Variants in CDH20 observed in about 807,000 individuals in gnomAD.
CDH20 encodes the protein cadherin-20.
Under a neutral mutation model 74.2 loss-of-function variants are expected in CDH20, and 29 were observed. The observed-to-expected ratio is 0.39, with a 90% CI of 0.29 to 0.53. The LOEUF is 0.53. Among genes scored for constraint, CDH20 ranks in the 20% least tolerant of loss-of-function variants. CDH20 has a pLI of 0.69. For synonymous variants in CDH20, 469 were observed against 405.4 expected (o/e 1.16, Z -1.88); for missense variants, 988 against 1,048.3 (o/e 0.94, Z 0.79).
rs538113054 is a variant in CDH20, at chr18:61,353,966, C to G, written c.-153+20139C>G. Reference sequence around the variant, plus strand: ...GGCATGGTGGCGTGCACCTGTGGTCCCAGCTACTTGGGAGGTTGCAAGTGA... The same window carrying G: ...GGCATGGTGGCGTGCACCTGTGGTCGCAGCTACTTGGGAGGTTGCAAGTGA... On this transcript the variant is annotated intron_variant, in intron 1 of 11. Coordinates refer to ENST00000262717, the MANE Select transcript of CDH20 (RefSeq NM_031891.4). The surrounding 1 kb of genome is among the most constrained non-coding windows in gnomAD (Gnocchi z 4.6). Among the ~76,000 whole-genome samples the G allele has an allele frequency of 2.4e-4, 37 of 151,682 alleles. No individual in the cohort carries two copies. The highest frequency in any genetic ancestry group is 4.3e-4 in the Non-Finnish European group (29 of 67,908).
chr18:61,453,735 G>C (rs1213923305), intron 1 of CDH20, among the ~76,000 whole-genome samples: 1 of 152,218 alleles, frequency 6.6e-6, no homozygotes, highest in East Asian at 1.9e-4. Context: ...GTTGTTTCTA[G>C]TTTGGGGGCA....
chr18:61,341,102 G>A (rs892166143), intron 1 of CDH20, among the ~76,000 whole-genome samples: 7 of 152,264 alleles, frequency 4.6e-5, no homozygotes, highest in Non-Finnish European at 7.4e-5. Context: ...AGCCATCTCC[G>A]TACCCACCTC....
At chr18:61,542,093 A>T (rs572863166) in intron 9 of CDH20, among the ~76,000 whole-genome samples, 1 of 152,302 alleles carries the variant, frequency 6.6e-6, no homozygotes, top group South Asian at 2.1e-4. Flanking sequence ...GACTTTCCCA[A>T]CTATGTTTAT....
At chr18:61,540,294 G>A (rs892617945) in intron 9 of CDH20, among the ~76,000 whole-genome samples, 3 of 152,140 alleles carry the variant, frequency 2.0e-5, no homozygotes, top group Admixed American at 2.0e-4. Context: ...GATAAGGCAG[G>A]GACTCATGCA....
chr18:61,453,572 C>A (rs1909470184), intron 1 of CDH20, among the ~76,000 whole-genome samples: 1 of 152,218 alleles, frequency 6.6e-6, no homozygotes, highest in Non-Finnish European at 1.5e-5. Context: ...AGCCACCACG[C>A]CCAGCCGATC....
At chr18:61,417,678 A>G (rs571878157) in intron 1 of CDH20, among the ~76,000 whole-genome samples, 40 of 149,092 alleles carry the variant, frequency 2.7e-4, no homozygotes, top group South Asian at 8.6e-4. Context: ...GGGGGCAGAT[A>G]GAAACAGATT....
At chr18:61,338,785 A>C (rs2144084608) in intron 1 of CDH20, among the ~76,000 whole-genome samples, 1 of 152,308 alleles carries the variant, frequency 6.6e-6, no homozygotes, top group East Asian at 1.9e-4. Flanking sequence ...TTAACAATCA[A>C]ATCACAAGTT....
intron 1 of CDH20, among the ~76,000 whole-genome samples, chr18:61,352,236 G>A (rs1349154691): frequency 6.6e-6 from 1 of 152,126 alleles, no homozygotes; most frequent in Non-Finnish European, 1.5e-5. Flanking sequence ...GACAGCAACT[G>A]GTATTTCATT....
intron 1 of CDH20, among the ~76,000 whole-genome samples, chr18:61,479,062 A>C (rs1910495849): frequency 6.6e-6 from 1 of 152,128 alleles, no homozygotes; most frequent in Non-Finnish European, 1.5e-5. Flanking sequence ...TGTGGAAAAA[A>C]TAGTTCTGAA....
intron 7 of CDH20, among the ~76,000 whole-genome samples, chr18:61,534,113 A>G (rs1912743613): frequency 6.6e-6 from 1 of 152,258 alleles, no homozygotes; most frequent in South Asian, 2.1e-4. Flanking sequence ...AAGACATACA[A>G]ATGACCAACA....
Position 61,353,163 on chromosome 18 carries a change from T to C in CDH20, c.-153+19336T>C, listed in dbSNP as rs976221883. ...GGGTCTGATACATCAGTTTCTAACTTAGAAACATTCATTTAATTGTCTACA... is the reference window on the plus strand; with the variant it reads ...GGGTCTGATACATCAGTTTCTAACTCAGAAACATTCATTTAATTGTCTACA... On this transcript the variant is annotated intron_variant, in intron 1 of 11. Coordinates refer to ENST00000262717, the MANE Select transcript of CDH20 (RefSeq NM_031891.4). This position sits in a 1 kb window ranked among gnomAD's most constrained non-coding sequence, Gnocchi z 4.6. Among the ~76,000 whole-genome samples the C allele has an allele frequency of 6.6e-6, 1 of 152,218 alleles. No homozygotes were observed. The highest frequency in any genetic ancestry group is 2.4e-5 in the African/African-American group (1 of 41,458).
intron 1 of CDH20, among the ~76,000 whole-genome samples, chr18:61,375,923 T>G (rs922709446): frequency 1.3e-5 from 2 of 152,168 alleles, no homozygotes; most frequent in Non-Finnish European, 2.9e-5. Flanking sequence ...ACCATCTTTC[T>G]TTGTATAGAC....
chr18:61,405,078 G>A, intron 1 of CDH20: 1 of 667,168 alleles, frequency 1.5e-6, no homozygotes, highest in Non-Finnish European at 2.8e-6. Flanking sequence ...GACCAATTTT[G>A]CTTTGCCTTG....
rs759541624 is a variant in CDH20 at position 61,490,507 on chromosome 18, C to A, written c.-47C>A. Reference sequence around the variant, plus strand: ...TTTAAATTTGGAAAATACTCAAGTTCCAGTTGCTTATCATTCTCCTTCATT... The same window carrying A: ...TTTAAATTTGGAAAATACTCAAGTTACAGTTGCTTATCATTCTCCTTCATT... On this transcript the variant is annotated 5_prime_UTR_variant, in exon 2 of 12. Transcript: ENST00000262717. 1.9e-6 allele frequency: 3 copies of A among 1,586,854 alleles called. No homozygotes were observed. Among genetic ancestry groups the A allele is most frequent in the South Asian group, 1.1e-5 (1 of 89,402 alleles).
At chr18:61,538,705 AC>A (rs1190238839) in intron 8 of CDH20, among the ~76,000 whole-genome samples, 29 of 140,474 alleles carry the variant, frequency 2.1e-4, no homozygotes, top group Non-Finnish European at 7.6e-5. Flanking sequence ...TGCAAGCTCC[AC>A]CTCCCGGGTT....
Position 61,554,991 on chromosome 18 carries a change from T to A in CDH20, c.*296T>A. On this transcript the variant is annotated 3_prime_UTR_variant, in exon 12 of 12. Coordinates refer to ENST00000262717, the MANE Select transcript of CDH20 (RefSeq NM_031891.4). ...CAAGGTGTTCTGACAAGGGTGGCTT[T>A]TCTCTGCCATTCGCTAAGGCCTTTG... The A allele has an allele frequency of 7.3e-6, 9 of 1,224,502 alleles. No homozygotes were observed. The highest frequency in any genetic ancestry group is 8.2e-6 in the Non-Finnish European group (8 of 978,300). 75.9% of individuals were successfully genotyped at this position (1,224,502 alleles called of 1,614,324 possible). A position where few individuals can be genotyped will look rare whatever the true frequency, so the allele number is the denominator to read the frequency against.
At chr18:61,476,861 T>C (rs1286692790) in intron 1 of CDH20, among the ~76,000 whole-genome samples, 1 of 152,200 alleles carries the variant, frequency 6.6e-6, no homozygotes, top group Non-Finnish European at 1.5e-5. Flanking sequence ...TTTTGATAAG[T>C]CCTTTGTTAA....
intron 1 of CDH20, among the ~76,000 whole-genome samples, chr18:61,485,179 G>C (rs934799498): frequency 3.9e-5 from 6 of 152,102 alleles, no homozygotes; most frequent in Non-Finnish European, 8.8e-5. Context: ...TTCTTCTTCT[G>C]TTCAATTTCT....
chr18:61,340,994 A>G (rs1284557849), intron 1 of CDH20, among the ~76,000 whole-genome samples: 7 of 152,232 alleles, frequency 4.6e-5, no homozygotes, highest in Admixed American at 4.6e-4. Context: ...ATCTTTTCCT[A>G]TGCAAATGGC....
Sources: gnomAD v4.1 joint callset for allele counts (sites outside exome capture counted in the v4.1 genomes callset) on GRCh38, gnomAD v4.1.1 for gene constraint, Gnocchi (gnomAD v3.1) non-coding constraint, MANE v1.5 for transcripts, NCBI Gene and HGNC (gene_info 2026-07-23, HGNC 2026-07-21) for gene names.